Variants in MAEA observed in about 807,000 individuals in gnomAD.
The protein encoded by MAEA is E3 ubiquitin-protein transferase MAEA.
MAEA carries 22 observed loss-of-function variants against 46.2 expected under a neutral mutation model. The ratio of observed to expected loss-of-function variants is 0.48; its 90% confidence interval spans 0.34 to 0.68. MAEA has a LOEUF of 0.68. MAEA is among the 30% of genes least tolerant of loss of function. MAEA has a pLI of 0.01. For synonymous variants in MAEA, 246 were observed against 222.6 expected, an observed-to-expected ratio of 1.11 and a Z score of -0.94; for missense variants, 393 against 558.1, an observed-to-expected ratio of 0.70 and a Z score of 2.98.
intron 1 of MAEA, among the ~76,000 whole-genome samples, chr4:1,295,681 TC>T (rs1022380826): frequency 6.1e-5 from 1 of 16,328 alleles, no homozygotes; most frequent in Non-Finnish European, 1.4e-4. Flanking sequence ...CCTCACCCGC[TC>T]CTATACCCCC....
Position 1,312,088 on chromosome 4 carries a change from G to T in MAEA, c.179G>T (p.Gly60Val). The part of the protein sequence containing the change: ...VVAELEKTLS[G>V]CPAVDSVVSL... ...GCCGAGCTGGAGAAGACGTTGAGCG[G>T]CTGCCCCGCCGTGGACTCCGTGGTC... is the stretch of plus-strand genomic sequence containing the variant. The change falls in exon 2 of 9, where the codon GGC (glycine) becomes GTC (valine). Residue 60 changes from glycine to valine, a missense_variant. Physicochemically the swap from Gly to Val is moderately radical, Grantham distance 109. Coordinates refer to ENST00000303400, the MANE Select transcript of MAEA (RefSeq NM_001017405.3). 3.1e-6 allele frequency: 5 copies of T among 1,613,164 alleles called. No homozygotes were observed. Among genetic ancestry groups the T allele is most frequent in the Non-Finnish European group, 3.4e-6 (4 of 1,179,956 alleles).
intron 2 of MAEA, among the ~76,000 whole-genome samples, chr4:1,313,347 A>G (rs572836693): frequency 7.2e-5 from 11 of 152,180 alleles, no homozygotes; most frequent in African/African-American, 2.7e-4. Flanking sequence ...AGACACCACG[A>G]TGGACTGGAG....
chr4:1,316,834 A>G lies in MAEA; in HGVS notation c.456+1234A>G, dbSNP rs558500316. Among the ~76,000 whole-genome samples, 3 of 152,058 alleles carry G rather than the reference A, an allele frequency of 2.0e-5. No individual in the cohort carries two copies. In the East Asian group the frequency reaches 5.8e-4, roughly 29 times the overall value. On this transcript the variant is annotated intron_variant, in intron 3 of 8. Coordinates refer to ENST00000303400, the MANE Select transcript of MAEA (RefSeq NM_001017405.3). ...GCCACACTCACGCCCCCATGCAGCCATCTGCACGCCCTGCTGGCTTGCAGC... is the reference window on the plus strand; with the variant it reads ...GCCACACTCACGCCCCCATGCAGCCGTCTGCACGCCCTGCTGGCTTGCAGC...
chr4:1,291,976 T>A (rs1734148639), intron 1 of MAEA, among the ~76,000 whole-genome samples: 1 of 152,224 alleles, frequency 6.6e-6, no homozygotes, highest in South Asian at 2.1e-4. Flanking sequence ...GGTGTTTTGC[T>A]GGGAAACTAG....
intron 2 of MAEA, among the ~76,000 whole-genome samples, chr4:1,314,847 TG>T (rs1421187957): frequency 1.3e-5 from 2 of 152,218 alleles, no homozygotes; most frequent in Non-Finnish European, 2.9e-5. Flanking sequence ...GCCCGGATCC[TG>T]GATCTGTCCA....
intron 4 of MAEA, among the ~76,000 whole-genome samples, chr4:1,324,185 G>T (rs1054946929): frequency 6.7e-6 from 1 of 149,614 alleles, no homozygotes; most frequent in African/African-American, 2.5e-5. Context: ...GAGATTGGAT[G>T]CCTGGTCAAT....
At chr4:1,295,754 TCACCCGTGCCTCTGCCCCCC>T (rs1436595201) in intron 1 of MAEA, among the ~76,000 whole-genome samples, 43 of 28,384 alleles carry the variant, frequency 1.5e-3, no homozygotes, top group South Asian at 3.1e-3. Context: ...CTGTGCCCCC[TCACCCGTGCCTCTGCCCCCC>T]TCACCCGCGC....
In MAEA at chr4:1,312,047, C is replaced by T. The variant is rs751359580; in HGVS notation, c.138C>T (p.His46=). 14 of 1,614,020 alleles carry T rather than the reference C, an allele frequency of 8.7e-6. No individual in the cohort carries two copies. The highest frequency in any genetic ancestry group is 4.0e-5 in the African/African-American group (3 of 75,066). ...AGAACATTGACCGGGAGACCAGCCA[C>T]GTCACCATGGTGGTGGCCGAGCTGG... is the stretch of plus-strand genomic sequence containing the variant. ...AQKNIDRETS[H]VTMVVAELEK... The change falls in exon 2 of 9, where the codon CAC becomes CAT. Residue 46 remains histidine (H), a synonymous_variant. Coordinates refer to ENST00000303400, the MANE Select transcript of MAEA (RefSeq NM_001017405.3).
chr4:1,332,488 G>C (rs987457384), intron 5 of MAEA: 2 of 341,434 alleles, frequency 5.9e-6, no homozygotes, highest in Non-Finnish European at 1.1e-5. Context: ...GCCGGGGCAG[G>C]AAGATGGCTT....
Position 1,311,838 on chromosome 4 carries a change from A to T in MAEA, c.70-141A>T. On this transcript the variant is annotated intron_variant, in intron 1 of 8. Coordinates refer to ENST00000303400, the MANE Select transcript of MAEA (RefSeq NM_001017405.3). The surrounding 1 kb of genome is among the most constrained non-coding windows in gnomAD (Gnocchi z 4.4). ...TTTGTGGGTCTTGGTTGAGGTTTAG[A>T]GTAGATACTTTTGAGACCATGAACC... is the stretch of plus-strand genomic sequence containing the variant. The T allele has an allele frequency of 1.4e-6, 1 of 715,186 alleles. No homozygotes were observed. Among genetic ancestry groups the T allele is most frequent in the East Asian group, 2.7e-5 (1 of 36,572 alleles). 44.3% of individuals were successfully genotyped at this position (715,186 alleles called of 1,614,324 possible). A position where few individuals can be genotyped will look rare whatever the true frequency, so the allele number is the denominator to read the frequency against.
chr4:1,312,628 C>T (rs1442583351), intron 2 of MAEA: 1 of 165,900 alleles, frequency 6.0e-6, no homozygotes, highest in Non-Finnish European at 1.3e-5. Flanking sequence ...CAGGGTTTCA[C>T]CATGTTAGCC....
chr4:1,304,672 C>G (rs1047145135), intron 1 of MAEA, among the ~76,000 whole-genome samples: 4 of 152,106 alleles, frequency 2.6e-5, no homozygotes, highest in African/African-American at 9.7e-5. Flanking sequence ...ATCTCCTGAC[C>G]TCATGATCCA....
chr4:1,291,237 C>T (rs1205457761), intron 1 of MAEA, among the ~76,000 whole-genome samples: 1 of 152,172 alleles, frequency 6.6e-6, no homozygotes, highest in Non-Finnish European at 1.5e-5. Context: ...CTTAAGCGAT[C>T]CTCCTGCCTT....
rs536319294 is a variant in MAEA at position 1,329,620 on chromosome 4, G to C, written c.656+1917G>C. 3 of 985,418 alleles carry C rather than the reference G, an allele frequency of 3.0e-6. No homozygotes were observed. In the South Asian group the frequency reaches 1.4e-4, roughly 46 times the overall value. 61.0% of individuals were successfully genotyped at this position (985,418 alleles called of 1,614,324 possible). A position where few individuals can be genotyped will look rare whatever the true frequency, so the allele number is the denominator to read the frequency against. On this transcript the variant is annotated intron_variant, in intron 5 of 8. Coordinates refer to ENST00000303400, the MANE Select transcript of MAEA (RefSeq NM_001017405.3). ...GGCCGTCTTGGGAGTGGTTCTCCAGGTGCCAGGGCCTGGTCAGGGAAGTCC... is the reference window on the plus strand; with the variant it reads ...GGCCGTCTTGGGAGTGGTTCTCCAGCTGCCAGGGCCTGGTCAGGGAAGTCC...
intron 1 of MAEA, among the ~76,000 whole-genome samples, chr4:1,302,674 G>A (rs942906886): frequency 4.2e-4 from 64 of 152,234 alleles, no homozygotes; most frequent in Non-Finnish European, 8.7e-4. Flanking sequence ...TAGAGACGGG[G>A]TTTCACTGTG....
intron 2 of MAEA, chr4:1,312,423 AT>A (rs34329974): frequency 0.087 from 14,825 of 170,482 alleles, 13 homozygotes; most frequent in South Asian, 0.14. Context: ...AGGTTGATTG[AT>A]TTTTTTTTTT....
chr4:1,308,475 C>T (rs956374570), intron 1 of MAEA, among the ~76,000 whole-genome samples: 1 of 152,228 alleles, frequency 6.6e-6, no homozygotes, highest in African/African-American at 2.4e-5. Flanking sequence ...ACTCAGGAGC[C>T]TTGTGCCTAA....
intron 1 of MAEA, among the ~76,000 whole-genome samples, chr4:1,294,696 G>A (rs533444487): frequency 2.6e-5 from 4 of 151,676 alleles, no homozygotes; most frequent in Non-Finnish European, 5.9e-5. Context: ...CCCTGTCTAC[G>A]CTCCGGTGGG....
chr4:1,328,968 A>G, intron 5 of MAEA: 1 of 993,068 alleles, frequency 1.0e-6, no homozygotes, highest in Non-Finnish European at 1.2e-6. Flanking sequence ...CCCCCTGTCA[A>G]GAGGAGGGGC....
Sources: gnomAD v4.1 joint callset for allele counts (sites outside exome capture counted in the v4.1 genomes callset) on GRCh38, gnomAD v4.1.1 for gene constraint, Gnocchi (gnomAD v3.1) non-coding constraint, MANE v1.5 for transcripts, NCBI Gene and HGNC (gene_info 2026-07-23, HGNC 2026-07-21) for gene names.